Variants in CHSY1 observed in about 807,000 individuals in gnomAD.
CHSY1 encodes N-acetylgalactosaminyl-proteoglycan 3-beta-glucuronosyltransferase 1.
Under a neutral mutation model 59.8 loss-of-function variants are expected in CHSY1, and 13 were observed. That is an observed-to-expected ratio of 0.22 (90% CI 0.14 to 0.35). The LOEUF is 0.35. CHSY1 is among the 10% of genes least tolerant of loss of function. The pLI, the probability that CHSY1 is intolerant of heterozygous loss-of-function variation, is 1.00. For missense variants in CHSY1, 947 were observed against 1,030.6 expected, an observed-to-expected ratio of 0.92 and a Z score of 1.11; for synonymous variants, 459 against 401.2, an observed-to-expected ratio of 1.14 and a Z score of -1.72.
chr15:101,240,180 T>C (rs1289404526), intron 1 of CHSY1, among the ~76,000 whole-genome samples: 1 of 152,184 alleles, frequency 6.6e-6, no homozygotes, highest in Admixed American at 6.5e-5. Context: ...AACCCTCCAA[T>C]CTTAAGAAAT....
At chr15:101,187,815 C>T (rs900665980) in intron 2 of CHSY1, 2 of 156,982 alleles carry the variant, frequency 1.3e-5, no homozygotes, top group Admixed American at 6.5e-5. Context: ...AAAAGTGCCT[C>T]CATATCCTTC....
chr15:101,190,917 C>T (rs1447225389), intron 2 of CHSY1, among the ~76,000 whole-genome samples: 1 of 152,050 alleles, frequency 6.6e-6, no homozygotes, highest in Non-Finnish European at 1.5e-5. Flanking sequence ...AGAGGAGCGA[C>T]GCGAAATGCT....
chr15:101,249,761 C>T (rs1270961252), intron 1 of CHSY1, among the ~76,000 whole-genome samples: 5 of 152,136 alleles, frequency 3.3e-5, no homozygotes, highest in Non-Finnish European at 5.9e-5. Context: ...GCGATCCGCC[C>T]GCCTCGGCCT....
At chr15:101,247,706 T>C (rs2039065243) in intron 1 of CHSY1, among the ~76,000 whole-genome samples, 1 of 152,200 alleles carries the variant, frequency 6.6e-6, no homozygotes, top group Admixed American at 6.5e-5. Flanking sequence ...TTGAAAAATC[T>C]GTTTCTTGTC....
intron 2 of CHSY1, among the ~76,000 whole-genome samples, chr15:101,183,428 A>C (rs2038308434): frequency 1.3e-5 from 2 of 152,248 alleles, no homozygotes; most frequent in African/African-American, 4.8e-5. Context: ...TGGGAGCTGA[A>C]GAACAATGCC....
chr15:101,240,812 T>C (rs929555485), intron 1 of CHSY1, among the ~76,000 whole-genome samples: 1 of 152,236 alleles, frequency 6.6e-6, no homozygotes, highest in Non-Finnish European at 1.5e-5. Context: ...ACTCTAGGCA[T>C]AAATGGGTTA....
intron 2 of CHSY1, among the ~76,000 whole-genome samples, chr15:101,217,930 C>CA (rs1195642680): frequency 6.6e-6 from 1 of 152,154 alleles, no homozygotes; most frequent in Non-Finnish European, 1.5e-5. Flanking sequence ...AGAAACCTGA[C>CA]AGACACTCCC....
chr15:101,178,182 G>A lies in CHSY1; in HGVS notation c.1615C>T (p.Pro539Ser). 1.2e-6 allele frequency: 2 copies of A among 1,614,210 alleles called. No individual in the cohort carries two copies. Among genetic ancestry groups the A allele is most frequent in the South Asian group, 2.2e-5 (2 of 91,080 alleles). ...AACATGTCGAAACGCCCAGACAAAG[G>A]AATCAGTATGTTTATCTTTTTATCT... ...PKDKKINILI[P>S]LSGRFDMFVR... Residue 539 changes from proline to serine, a missense_variant, in exon 3 of 3, where the codon CCT (proline) becomes TCT (serine). This residue lies in a region of CHSY1 where 602 missense variants were observed against 676.9 expected (regional missense o/e 0.89). Transcript: ENST00000254190.
intron 2 of CHSY1, among the ~76,000 whole-genome samples, chr15:101,228,729 G>C (rs2038865008): frequency 6.6e-6 from 1 of 152,094 alleles, no homozygotes; most frequent in Admixed American, 6.6e-5. Context: ...AATATTAAAG[G>C]AAGTCTTTCA....
At chr15:101,237,245 AAAAC>A (rs1369310088) in intron 1 of CHSY1, among the ~76,000 whole-genome samples, 1 of 151,442 alleles carries the variant, frequency 6.6e-6, no homozygotes, top group Admixed American at 6.6e-5. Context: ...AAAAAAAAAA[AAAAC>A]AGAGGCAAAT....
intron 2 of CHSY1, among the ~76,000 whole-genome samples, chr15:101,195,886 G>T (rs113813479): frequency 0.016 from 2,464 of 150,332 alleles, 33 homozygotes; most frequent in East Asian, 0.075. Flanking sequence ...CTATCAAATA[G>T]ATTCAAATTC....
chr15:101,242,335 C>A (rs1416964977), intron 1 of CHSY1, among the ~76,000 whole-genome samples: 3 of 152,200 alleles, frequency 2.0e-5, no homozygotes, highest in Admixed American at 2.0e-4. Context: ...CAGGAGCCAC[C>A]ACTTCAACTG....
intron 2 of CHSY1, among the ~76,000 whole-genome samples, chr15:101,223,276 C>T (rs1006155332): frequency 1.3e-5 from 2 of 152,204 alleles, no homozygotes; most frequent in African/African-American, 4.8e-5. Context: ...ATGACATGAG[C>T]CACCATGCCC....
chr15:101,213,850 G>A (rs1472847922), intron 2 of CHSY1, among the ~76,000 whole-genome samples: 2 of 152,202 alleles, frequency 1.3e-5, no homozygotes, highest in East Asian at 1.9e-4. Flanking sequence ...TAGACTCGGT[G>A]TTTAAGTCTT....
intron 2 of CHSY1, among the ~76,000 whole-genome samples, chr15:101,200,007 TCA>T (rs1277280266): frequency 4.6e-5 from 7 of 152,186 alleles, no homozygotes; most frequent in Non-Finnish European, 1.0e-4. Context: ...AAAAAGTGAC[TCA>T]CACAATTCGT....
At chr15:101,214,931 T>A (rs2038717001) in intron 2 of CHSY1, among the ~76,000 whole-genome samples, 1 of 152,202 alleles carries the variant, frequency 6.6e-6, no homozygotes, top group Admixed American at 6.5e-5. Flanking sequence ...GTTTAGCACC[T>A]CCCCTTGGTG....
Position 101,235,152 on chromosome 15 carries a change from G to A in CHSY1, c.746C>T (p.Thr249Ile). 5 of 1,614,046 alleles carry A rather than the reference G, an allele frequency of 3.1e-6. No homozygotes were observed. Among genetic ancestry groups the A allele is most frequent in the Non-Finnish European group, 4.2e-6 (5 of 1,180,020 alleles). ...IGKCLREMYTTHEDVEVGRCV... is the reference protein window; with the variant it reads ...IGKCLREMYTIHEDVEVGRCV... ...CCTTCCCACCTCCACGTCCTCATGG[G>A]TGGTGTACATCTCCCGGAGACACTT... Residue 249 changes from threonine to isoleucine, a missense_variant, in exon 2 of 3, where the codon ACC (threonine) becomes ATC (isoleucine). Physicochemically the swap from Thr to Ile is moderately conservative, Grantham distance 89. This residue lies in a region of CHSY1 where 5 missense variants were observed against 20.8 expected (regional missense o/e 0.24). Coordinates refer to ENST00000254190, the MANE Select transcript of CHSY1 (RefSeq NM_014918.5).
At position 101,251,395 on chromosome 15, in the gene CHSY1, A is replaced by G. The variant is rs1482909528; in HGVS notation, c.62T>C (p.Val21Ala). 1.7e-6 allele frequency: 2 copies of G among 1,167,998 alleles called. No homozygotes were observed. The highest frequency in any genetic ancestry group is 1.6e-5 in the South Asian group (1 of 62,930). The allele number at this position is 1,167,998 out of a possible 1,614,324, so 72.4% of individuals were successfully genotyped here. The part of the protein sequence containing the change: ...SVLLGLVLGF[V>A]LASRLVLPRA... The stretch of plus-strand genomic sequence containing the variant: ...GGGCAGGACGAGCCGCGAGGCCAGC[A>G]CGAAGCCCAGGACGAGCCCGAGCAG... The change falls in exon 1 of 3, where the codon GTG becomes GCG. Residue 21 changes from valine to alanine, a missense_variant. By Grantham distance (64) the Val-to-Ala change is moderately conservative (BLOSUM62 0). Around this residue, in one of 4 missense-constraint regions of CHSY1, gnomAD observed 232 missense variants for 188.5 expected, o/e 1.23. Coordinates refer to ENST00000254190, the MANE Select transcript of CHSY1 (RefSeq NM_014918.5).
Position 101,179,894 on chromosome 15 carries a change from C to A in CHSY1, c.817-914G>T, listed in dbSNP as rs150560336. ...TGCCTAATGCCTCAGTACATCTGGG[C>A]AAGGAGATGAACGTTTTTACAAAGC... On this transcript the variant is annotated intron_variant, in intron 2 of 2. Coordinates refer to ENST00000254190, the MANE Select transcript of CHSY1 (RefSeq NM_014918.5). Among the ~76,000 whole-genome samples, 1,236 of 152,274 alleles carry A rather than the reference C, an allele frequency of 8.1e-3. 22 individuals carry two copies. Among genetic ancestry groups the A allele is most frequent in the African/African-American group, 0.028 (1,167 of 41,558 alleles).
Sources: gnomAD v4.1 joint callset for allele counts (sites outside exome capture counted in the v4.1 genomes callset) on GRCh38, gnomAD v4.1.1 for gene constraint, gnomAD v4.1.1 regional missense constraint, MANE v1.5 for transcripts, NCBI Gene and HGNC (gene_info 2026-07-23, HGNC 2026-07-21) for gene names.